The following AHNAK variants were observed in gnomAD, a reference collection of about 807,000 sequenced individuals.
The protein encoded by AHNAK is neuroblast differentiation-associated protein AHNAK.
A neutral mutation model predicts 37.8 loss-of-function variants in AHNAK; 23 were observed. The observed-to-expected ratio is 0.61, with a 90% CI of 0.44 to 0.86. The LOEUF is 0.86. Among genes scored for constraint, AHNAK ranks in the 40% least tolerant of loss-of-function variants. The pLI, the probability that AHNAK is intolerant of heterozygous loss-of-function variation, is 0.00. For synonymous variants in AHNAK, 2,481 were observed against 2,636.3 expected (o/e 0.94, Z 1.80); for missense variants, 7,411 against 7,319.4 (o/e 1.01, Z -0.46).
Position 62,517,486 on chromosome 11 carries a change from C to T in AHNAK, c.16931G>A (p.Gly5644Glu). The T allele has an allele frequency of 6.2e-7, 1 of 1,614,094 alleles. No homozygotes were observed. The highest frequency in any genetic ancestry group is 8.5e-7 in the Non-Finnish European group (1 of 1,180,024). The part of the protein sequence containing the change: ...GLQAPGLSVS[G>E]PQGHLESGSG... Reference sequence around the variant, plus strand: ...TCCACTTTCCAAGTGACCTTGAGGCCCAGACACACTCAGCCCAGGAGCCTG... The same window carrying T: ...TCCACTTTCCAAGTGACCTTGAGGCTCAGACACACTCAGCCCAGGAGCCTG... Residue 5644 changes from glycine (G) to glutamate (E), a missense_variant, in exon 5 of 5, where the codon GGG becomes GAG. Transcript: ENST00000378024.
intron 5 of AHNAK, among the ~76,000 whole-genome samples, chr11:62,482,968 C>T (rs1014625132): frequency 3.9e-5 from 6 of 152,126 alleles, no homozygotes; most frequent in African/African-American, 1.4e-4. Flanking sequence ...GGCAAACTAT[C>T]AGGAACACAA....
intron 4 of AHNAK, among the ~76,000 whole-genome samples, chr11:62,502,711 G>C (rs1370244459): frequency 6.6e-6 from 1 of 152,246 alleles, no homozygotes. Flanking sequence ...AGCTGGGGAA[G>C]ATGGGGAGTA....
chr11:62,449,367 C>T (rs1452129778), intron 5 of AHNAK, among the ~76,000 whole-genome samples: 1 of 152,182 alleles, frequency 6.6e-6, no homozygotes. Context: ...GTGGGGTCTG[C>T]CCCCTGCTCA....
At chr11:62,435,110 C>G (rs991149485) in intron 5 of AHNAK, among the ~76,000 whole-genome samples, 5 of 152,138 alleles carry the variant, frequency 3.3e-5, no homozygotes, top group Non-Finnish European at 7.4e-5. Context: ...CTGCCCTCCC[C>G]CTAATTGAGA....
rs768950594 is a variant in AHNAK, at chr11:62,522,152, T to C, written c.12265A>G (p.Ile4089Val). 6.2e-7 allele frequency: 1 copy of C among 1,611,000 alleles called. No homozygotes were observed. Among genetic ancestry groups the C allele is most frequent in the Admixed American group, 1.7e-5 (1 of 59,746 alleles). The change falls in exon 5 of 5, where the codon ATT (isoleucine) becomes GTT (valine). Residue 4089 changes from isoleucine to valine, a missense_variant. Transcript: ENST00000378024. ...TCCACTTTGGGTCCTGAGACATCAATGTCAGCTTTGGGCAAATTAACATCC... is the reference window on the plus strand; with the variant it reads ...TCCACTTTGGGTCCTGAGACATCAACGTCAGCTTTGGGCAAATTAACATCC... ...EVDVNLPKAD[I>V]DVSGPKVDID... is the part of the protein sequence containing the mutation.
Position 62,531,556 on chromosome 11 carries a change from T to C in AHNAK, c.2861A>G (p.His954Arg), listed in dbSNP as rs1940749334. Residue 954 changes from histidine (H) to arginine (R), a missense_variant, in exon 5 of 5, where the codon CAT (histidine) becomes CGT (arginine). His to Arg is a conservative substitution (Grantham distance 29, BLOSUM62 0). Coordinates refer to ENST00000378024, the MANE Select transcript of AHNAK (RefSeq NM_001620.3). The stretch of plus-strand genomic sequence containing the variant: ...TCCCTTTACTTTAGGACCTTTCATA[T>C]GCAAGTCCACATCAGGCATGGAGAT... ...PKISMPDVDLHMKGPKVKGEY... is the reference protein window; with the variant it reads ...PKISMPDVDLRMKGPKVKGEY... 1 of 1,614,218 alleles carries C rather than the reference T, an allele frequency of 6.2e-7. No individual in the cohort carries two copies. Among genetic ancestry groups the C allele is most frequent in the East Asian group, 2.2e-5 (1 of 44,884 alleles).
chr11:62,466,010 A>G (rs1938904303), intron 5 of AHNAK, among the ~76,000 whole-genome samples: 2 of 152,156 alleles, frequency 1.3e-5, no homozygotes, highest in Admixed American at 1.3e-4. Context: ...AGAAACTAAT[A>G]CAACCCTCAA....
Position 62,525,821 on chromosome 11 carries a change from C to G in AHNAK, c.8596G>C (p.Gly2866Arg). Residue 2866 changes from glycine to arginine, a missense_variant, in exon 5 of 5, where the codon GGT becomes CGT. Physicochemically the swap from Gly to Arg is moderately radical, Grantham distance 125. Coordinates refer to ENST00000378024, the MANE Select transcript of AHNAK (RefSeq NM_001620.3). Reference protein sequence around the residue: ...TGPKVEGDLKGPEVDLKGPKV... With the variant: ...TGPKVEGDLKRPEVDLKGPKV... ...GGGCCTTTGAGGTCAACTTCAGGAC[C>G]TTTCAGATCTCCCTCTACCTTAGGG... is the stretch of plus-strand genomic sequence containing the variant. The G allele has an allele frequency of 6.2e-7, 1 of 1,613,990 alleles. No homozygotes were observed. Among genetic ancestry groups the G allele is most frequent in the Non-Finnish European group, 8.5e-7 (1 of 1,180,008 alleles).
At chr11:62,544,080 G>A (rs1328344631) in intron 1 of AHNAK, among the ~76,000 whole-genome samples, 5 of 152,014 alleles carry the variant, frequency 3.3e-5, no homozygotes, top group African/African-American at 9.7e-5. Context: ...CCTCAAACCA[G>A]CTCCTCAGGC....
chr11:62,443,759 G>T (rs1324349321), intron 5 of AHNAK, among the ~76,000 whole-genome samples: 7 of 152,152 alleles, frequency 4.6e-5, no homozygotes, highest in Admixed American at 3.9e-4. Context: ...CTCATGTTAG[G>T]TTCATTCTGC....
rs561767465 is a variant in AHNAK at position 62,503,628 on chromosome 11, A to G, written c.343-11797T>C. On this transcript the variant is annotated intron_variant, in intron 4 of 5. Transcript: ENST00000257247. ...AAAAAAAAGTGAGTGTTTGCAGAAC[A>G]TGCAGAGTGGCCTTTTTACCTGGGT... 4.9e-4 allele frequency among the ~76,000 whole-genome samples: 74 copies of G among 152,270 alleles called. 2 individuals carry two copies. In the South Asian group the frequency reaches 0.01, roughly 21 times the overall value.
chr11:62,471,297 G>A (rs955192782), intron 5 of AHNAK, among the ~76,000 whole-genome samples: 3 of 152,058 alleles, frequency 2.0e-5, no homozygotes, highest in Non-Finnish European at 4.4e-5. Flanking sequence ...GCAACTAGGG[G>A]GGGCTTCCAC....
chr11:62,525,610 T>G lies in AHNAK; in HGVS notation c.8807A>C (p.Asp2936Ala), dbSNP rs1418362021. ...TCCCTCTGGTCCTTCAATGTTAACA[T>G]CAGGGCCTTCAACGTCCACTTTGGG... ...SGPKVDVEGP[D>A]VNIEGPEGKL... is the part of the protein sequence containing the mutation. The change falls in exon 5 of 5, where the codon GAT (aspartate) becomes GCT (alanine). Residue 2936 changes from aspartate (D) to alanine (A), a missense_variant. Asp to Ala is a moderately radical substitution (Grantham distance 126, BLOSUM62 -2). Coordinates refer to ENST00000378024, the MANE Select transcript of AHNAK (RefSeq NM_001620.3). 1 of 1,613,572 alleles carries G rather than the reference T, an allele frequency of 6.2e-7. No individual in the cohort carries two copies. Among genetic ancestry groups the G allele is most frequent in the East Asian group, 2.2e-5 (1 of 44,840 alleles).
chr11:62,461,934 A>G (rs1448270032), intron 5 of AHNAK, among the ~76,000 whole-genome samples: 1 of 152,124 alleles, frequency 6.6e-6, no homozygotes, highest in Non-Finnish European at 1.5e-5. Context: ...TACCATGGCC[A>G]TGTGGAATCC....
At chr11:62,492,852 G>GGCCT (rs1939527305) in intron 4 of AHNAK, among the ~76,000 whole-genome samples, 1 of 147,560 alleles carries the variant, frequency 6.8e-6, no homozygotes, top group African/African-American at 2.7e-5. Flanking sequence ...CACTCCAGCC[G>GGCCT]GGGCGACAGA....
Position 62,521,340 on chromosome 11 carries a change from G to A in AHNAK, c.13077C>T (p.Val4359=), listed in dbSNP as rs1590654533. The change falls in exon 5 of 5, where the codon GTC becomes GTT. Residue 4359 remains valine (V), a synonymous_variant. Coordinates refer to ENST00000378024, the MANE Select transcript of AHNAK (RefSeq NM_001620.3). ...GPKVDIDAPD[V]SIEGPDAKLK... ...GTTTTGCATCTGGACCTTCGATACT[G>A]ACATCAGGGGCATCAATGTCCACTT... 1 of 1,612,084 alleles carries A rather than the reference G, an allele frequency of 6.2e-7. No homozygotes were observed. Among genetic ancestry groups the A allele is most frequent in the African/African-American group, 1.3e-5 (1 of 74,244 alleles).
In AHNAK at chr11:62,436,205, G is replaced by T. The variant is rs112188112; in HGVS notation, c.443-2314C>A. On this transcript the variant is annotated intron_variant, in intron 5 of 5. Coordinates refer to the AHNAK transcript ENST00000257247. ...AAATTCATGGAAAGGGTTCATAAAG[G>T]GGCTGGGCTTCCCAATTCATGTTTT... Among the ~76,000 whole-genome samples, 1,238 of 152,282 alleles carry T rather than the reference G, an allele frequency of 8.1e-3. 22 individuals carry two copies. The highest frequency in any genetic ancestry group is 0.028 in the African/African-American group (1,152 of 41,560).
At position 62,444,672 on chromosome 11, in the gene AHNAK, C is replaced by T. The variant is rs1322114322; in HGVS notation, c.443-10781G>A. Among the ~76,000 whole-genome samples the T allele has an allele frequency of 1.3e-5, 2 of 152,332 alleles. 1 individual carries two copies. The highest frequency in any genetic ancestry group is 4.1e-4 in the South Asian group (2 of 4,832). ...TCCTTGAGGGCAGAGTCACATCTGA[C>T]GCCCCTTTCCCATGGGGCACAGCAC... is the stretch of plus-strand genomic sequence containing the variant. On this transcript the variant is annotated intron_variant, in intron 5 of 5. Coordinates refer to the AHNAK transcript ENST00000257247.
chr11:62,484,196 G>C (rs1331709662), intron 5 of AHNAK, among the ~76,000 whole-genome samples: 1 of 151,704 alleles, frequency 6.6e-6, no homozygotes, highest in Admixed American at 6.6e-5. Context: ...GAAAAACGTA[G>C]TGAAACCCCA....
Sources: allele counts gnomAD v4.1 joint callset (sites outside exome capture counted in the v4.1 genomes callset), GRCh38; gene constraint gnomAD v4.1.1; transcripts MANE v1.5; gene names NCBI Gene and HGNC (gene_info 2026-07-23, HGNC 2026-07-21).